Variants in LIPG observed in about 807,000 individuals in gnomAD.
LIPG encodes the protein lipase G, endothelial type.
LIPG carries 34 observed loss-of-function variants against 51.8 expected under a neutral mutation model. That is an observed-to-expected ratio of 0.66 (90% confidence interval 0.50 to 0.87). LIPG has a LOEUF of 0.87. LIPG is among the 40% of genes least tolerant of loss of function. The pLI, the probability that LIPG is intolerant of heterozygous loss-of-function variation, is 0.00. For synonymous variants in LIPG, 246 were observed against 246.1 expected (o/e 1.00, Z 0.00); for missense variants, 580 against 652.7 (o/e 0.89, Z 1.21).
rs755248934 is a variant in LIPG at position 49,581,404 on chromosome 18, C to T, written c.794-11C>T. 3.1e-6 allele frequency: 5 copies of T among 1,614,060 alleles called. No homozygotes were observed. The African/African-American group carries it at 5.3e-5, about 17-fold the overall frequency. On this transcript the variant is annotated splice_polypyrimidine_tract_variant and intron_variant, in intron 5 of 9. Coordinates refer to ENST00000261292, the MANE Select transcript of LIPG (RefSeq NM_006033.4). ...CTCATCCTGCATGCTTTTTATCTCT[C>T]CCACCCCCAGCAATCACAGAGGTGG...
At chr18:49,561,482 C>T, upstream of LIPG, 1 of 401,786 alleles carries the variant, frequency 2.5e-6, no homozygotes. Context: ...TCCTCCAGCG[C>T]CGGCCGCAGC....
chr18:49,578,030 C>T (rs1201353406), intron 5 of LIPG, among the ~76,000 whole-genome samples: 1 of 146,264 alleles, frequency 6.8e-6, no homozygotes. Flanking sequence ...GCTGACCCCC[C>T]CACCTCCCTC....
chr18:49,584,445 AC>A (rs1166329820), intron 8 of LIPG, among the ~76,000 whole-genome samples: 1 of 152,152 alleles, frequency 6.6e-6, no homozygotes, highest in Non-Finnish European at 1.5e-5. Context: ...TTTTTTCTAA[AC>A]AGAAGCCAGG....
chr18:49,581,916 T>A, intron 6 of LIPG: 1 of 599,050 alleles, frequency 1.7e-6, no homozygotes, highest in Non-Finnish European at 2.9e-6. Flanking sequence ...TGCATTTAAC[T>A]TTCAAAGCTG....
chr18:49,590,795 C>T lies in LIPG; in HGVS notation c.*273C>T. ...CAAGTCCAGATTTGTGTGTAAGCAG[C>T]TGGGTGCCTGGGGCCTCTCGTGCAC... On this transcript the variant is annotated 3_prime_UTR_variant, in exon 10 of 10. Transcript: ENST00000261292. 1 of 556,928 alleles carries T rather than the reference C, an allele frequency of 1.8e-6. No homozygotes were observed. The highest frequency in any genetic ancestry group is 3.2e-6 in the Non-Finnish European group (1 of 309,414). 34.5% of individuals were successfully genotyped at this position (556,928 alleles called of 1,614,324 possible). A position where few individuals can be genotyped will look rare whatever the true frequency, so the allele number is the denominator to read the frequency against.
chr18:49,579,025 AG>A (rs749624098), intron 5 of LIPG, among the ~76,000 whole-genome samples: 1 of 92 alleles, frequency 0.011, no homozygotes, highest in African/African-American at 0.056. Flanking sequence ...GGAGAGGGAG[AG>A]GGAGAGGGAG....
Position 49,596,448 on chromosome 18 carries a change from A to C in LIPG, c.*5926A>C, listed in dbSNP as rs2084982482. On this transcript the variant is annotated 3_prime_UTR_variant, in exon 10 of 10. Transcript: ENST00000261292. ...CAGGAGTTTGAGACCAGCCTGGCCA[A>C]TGTGGTGAAACCCTGTCTCTACTAA... 6.6e-6 allele frequency: 1 copy of C among 151,924 alleles called. No individual in the cohort carries two copies. Among genetic ancestry groups the C allele is most frequent in the South Asian group, 2.1e-4 (1 of 4,810 alleles). 9.4% of individuals were successfully genotyped at this position (151,924 alleles called of 1,614,324 possible).
rs1023534320 is a variant in LIPG at position 49,592,924 on chromosome 18, A to ATTTTTTTTT, written c.*2420_*2428dup. 1 of 113,582 alleles carries ATTTTTTTTT rather than the reference A, an allele frequency of 8.8e-6. No individual in the cohort carries two copies. The highest frequency in any genetic ancestry group is 3.5e-5 in the African/African-American group (1 of 28,594). The allele number at this position is 113,582 out of a possible 1,614,324, so 7.0% of individuals were successfully genotyped here. On this transcript the variant is annotated 3_prime_UTR_variant, in exon 10 of 10. Transcript: ENST00000261292. The stretch of plus-strand genomic sequence containing the variant: ...AAGTTCTTAATGGTCTGACAACTCA[A>ATTTTTTTTT]TTTTTTTTTTTTTTTTTTTTTTTTT...
chr18:49,573,788 C>T (rs143125322), intron 4 of LIPG, among the ~76,000 whole-genome samples: 12 of 152,206 alleles, frequency 7.9e-5, no homozygotes, highest in African/African-American at 1.7e-4. Flanking sequence ...TGAACACGGT[C>T]GTTAACCATG....
At chr18:49,579,792 T>TCCCTTTCCTTTCCTTTC (rs1568533574) in intron 5 of LIPG, among the ~76,000 whole-genome samples, 2 of 139,660 alleles carry the variant, frequency 1.4e-5, no homozygotes, top group African/African-American at 6.2e-5. Flanking sequence ...TCTTTTCTTT[T>TCCCTTTCCTTTCCTTTC]CTTTTCTTTT....
At chr18:49,576,606 A>G (rs2084721994) in intron 5 of LIPG, among the ~76,000 whole-genome samples, 1 of 151,364 alleles carries the variant, frequency 6.6e-6, no homozygotes, top group Non-Finnish European at 1.5e-5. Context: ...CTGGGATTAC[A>G]GGCCCCCACC....
rs913020715 is a variant in LIPG, at chr18:49,594,794, G to C, written c.*4272G>C. On this transcript the variant is annotated 3_prime_UTR_variant, in exon 10 of 10. Transcript: ENST00000261292. ...CTCTACCAGGACATTCTGAAACCAGGCTTGATAATGGCTGTAGGGAGTTGG... is the reference window on the plus strand; with the variant it reads ...CTCTACCAGGACATTCTGAAACCAGCCTTGATAATGGCTGTAGGGAGTTGG... The C allele has an allele frequency of 1.3e-5, 2 of 152,220 alleles. No individual in the cohort carries two copies. Among genetic ancestry groups the C allele is most frequent in the Non-Finnish European group, 2.9e-5 (2 of 68,044 alleles). The allele number at this position is 152,220 out of a possible 1,614,324, so 9.4% of individuals were successfully genotyped here.
At chr18:49,579,228 G>C (rs572150607) in intron 5 of LIPG, among the ~76,000 whole-genome samples, 19 of 116,188 alleles carry the variant, frequency 1.6e-4, no homozygotes, top group East Asian at 2.4e-4. Context: ...GGGAGAGGGA[G>C]AGGGAGAGGG....
At chr18:49,578,502 G>C (rs1177137619) in intron 5 of LIPG, among the ~76,000 whole-genome samples, 2 of 140,928 alleles carry the variant, frequency 1.4e-5, no homozygotes, top group Non-Finnish European at 3.1e-5. Context: ...TCCTAGATGG[G>C]ATGGCGGCCG....
chr18:49,598,336 A>T lies in LIPG; in HGVS notation c.*7814A>T, dbSNP rs1444781006. 1 of 152,516 alleles carries T rather than the reference A, an allele frequency of 6.6e-6. No homozygotes were observed. Among genetic ancestry groups the T allele is most frequent in the East Asian group, 1.9e-4 (1 of 5,202 alleles). The allele number at this position is 152,516 out of a possible 1,614,324, so 9.4% of individuals were successfully genotyped here. A position where few individuals can be genotyped will look rare whatever the true frequency, so the allele number is the denominator to read the frequency against. ...CAGCCTCCCAAATAGCTGGGACTAC[A>T]GGTGTACTCCACTATGCCTGGCTAC... On this transcript the variant is annotated 3_prime_UTR_variant, in exon 10 of 10. Coordinates refer to ENST00000261292, the MANE Select transcript of LIPG (RefSeq NM_006033.4).
rs1316557305 is a variant in LIPG at position 49,597,871 on chromosome 18, A to G, written c.*7349A>G. ...ACAGAGGCAGGGTTATCTCACTGGA[A>G]TGGAGAAGCTAAAATGACATTATCT... On this transcript the variant is annotated 3_prime_UTR_variant, in exon 10 of 10. Coordinates refer to ENST00000261292, the MANE Select transcript of LIPG (RefSeq NM_006033.4). The G allele has an allele frequency of 1.3e-5, 2 of 152,276 alleles. No homozygotes were observed. The highest frequency in any genetic ancestry group is 2.9e-5 in the Non-Finnish European group (2 of 68,052). The allele number at this position is 152,276 out of a possible 1,614,324, so 9.4% of individuals were successfully genotyped here.
intron 9 of LIPG, 134 bp from the exon 10 acceptor site, chr18:49,590,367 A>T: frequency 1.1e-6 from 1 of 912,506 alleles, no homozygotes; most frequent in Non-Finnish European, 1.8e-6. Flanking sequence ...TTCTGAAAGG[A>T]ATACATGTAA....
rs745891079 is a variant in LIPG at position 49,581,637 on chromosome 18, G to A, written c.1016G>A (p.Arg339Gln). The A allele has an allele frequency of 8.7e-6, 14 of 1,613,866 alleles. 1 individual carries two copies. The highest frequency in any genetic ancestry group is 4.4e-5 in the South Asian group (4 of 91,080). Residue 339 changes from arginine to glutamine, a missense_variant, in exon 6 of 10, where the codon CGG becomes CAG. Transcript: ENST00000261292. ...AACAGCAAAATGTACCTAAAAACCC[G>A]GGCAGGCATGCCTTTCAGAGGTAAC... ...KRNSKMYLKT[R>Q]AGMPFRVYHY...
chr18:49,576,026 T>G, intron 5 of LIPG, among the ~76,000 whole-genome samples: 1 of 151,966 alleles, frequency 6.6e-6, no homozygotes, highest in East Asian at 1.9e-4. Flanking sequence ...TTAGTAGAGA[T>G]GGGTTTTCAC....
Sources: allele counts gnomAD v4.1 joint callset (sites outside exome capture counted in the v4.1 genomes callset), GRCh38; gene constraint gnomAD v4.1.1; transcripts MANE v1.5; gene names NCBI Gene and HGNC (gene_info 2026-07-23, HGNC 2026-07-21).